E2F5: variants seen among roughly 807,000 people sequenced by gnomAD.
The protein encoded by E2F5 is E2F transcription factor 5.
In E2F5, 23 loss-of-function variants were observed where a neutral mutation model predicts 39.1. The observed-to-expected ratio is 0.59, with a 90% CI of 0.42 to 0.83. The LOEUF is 0.83. Ranked by LOEUF, E2F5 falls within the 40% of genes least tolerant of loss-of-function variation. The probability of loss-of-function intolerance (pLI) is 0.00; values close to 1 mark genes in which losing one functional copy is unlikely to be tolerated. For missense variants in E2F5, 365 were observed against 406.7 expected (o/e 0.90, Z 0.88); for synonymous variants, 145 against 157.8 (o/e 0.92, Z 0.61).
At chr8:85,180,858 C>T (rs1027269913) in intron 1 of E2F5, among the ~76,000 whole-genome samples, 1 of 151,414 alleles carries the variant, frequency 6.6e-6, no homozygotes, top group Non-Finnish European at 1.5e-5. Flanking sequence ...GGATTACAAG[C>T]GTGAGCCACC....
chr8:85,212,420 G>A, intron 7 of E2F5: 1 of 500,132 alleles, frequency 2.0e-6, no homozygotes, highest in Non-Finnish European at 3.6e-6. Flanking sequence ...TCCATATGGG[G>A]ATACTTCTCA....
intron 1 of E2F5, among the ~76,000 whole-genome samples, chr8:85,188,856 G>A (rs1287996793): frequency 6.6e-6 from 1 of 152,102 alleles, no homozygotes; most frequent in Non-Finnish European, 1.5e-5. Flanking sequence ...TAGGGTTGAG[G>A]GAAGGATGAC....
At chr8:85,200,690 T>G (rs1563981031) in intron 1 of E2F5, among the ~76,000 whole-genome samples, 1 of 152,202 alleles carries the variant, frequency 6.6e-6, no homozygotes, top group Admixed American at 6.5e-5. Flanking sequence ...AGCTTCAGAT[T>G]TGTACCGTTA....
At chr8:85,188,548 G>A (rs118081665) in intron 1 of E2F5, among the ~76,000 whole-genome samples, 1 of 152,306 alleles carries the variant, frequency 6.6e-6, no homozygotes, top group Non-Finnish European at 1.5e-5. Flanking sequence ...GCCAGCACAG[G>A]AGTGGTGCAA....
intron 6 of E2F5, among the ~76,000 whole-genome samples, chr8:85,211,640 GTTGTTTTTTTTT>G (rs1439509852): frequency 1.2e-5 from 1 of 81,058 alleles, no homozygotes; most frequent in African/African-American, 6.3e-5. Flanking sequence ...GAGGTTTGTT[GTTGTTTTTTTTT>G]TTTTTTTTTT....
intron 1 of E2F5, among the ~76,000 whole-genome samples, chr8:85,189,620 C>T (rs962633478): frequency 6.6e-6 from 1 of 152,142 alleles, no homozygotes; most frequent in Non-Finnish European, 1.5e-5. Context: ...CCACCCGCCT[C>T]AGTCTCTGAA....
chr8:85,198,251 C>T (rs961079534), intron 1 of E2F5, among the ~76,000 whole-genome samples: 2 of 151,938 alleles, frequency 1.3e-5, no homozygotes, highest in African/African-American at 4.8e-5. Context: ...GCAGTCATCC[C>T]TTCTCTCTTC....
In E2F5 at chr8:85,202,229, A is replaced by C; in HGVS notation, c.317A>C (p.Lys106Thr). 6.2e-7 allele frequency: 1 copy of C among 1,611,584 alleles called. No individual in the cohort carries two copies. Among genetic ancestry groups the C allele is most frequent in the East Asian group, 2.2e-5 (1 of 44,806 alleles). ...TTAGAGGGAATTGACTTGATTGAAA[A>C]AAAGTCAAAAAACAGTATCCAGTGG... ...NVLEGIDLIE[K>T]KSKNSIQWKG... Residue 106 changes from lysine to threonine, a missense_variant, in exon 2 of 8, where the codon AAA (lysine) becomes ACA (threonine). Transcript: ENST00000416274.
intron 6 of E2F5, among the ~76,000 whole-genome samples, chr8:85,210,392 T>C (rs1397648771): frequency 1.3e-5 from 2 of 152,086 alleles, no homozygotes; most frequent in African/African-American, 4.8e-5. Flanking sequence ...GAAAAGGTAG[T>C]GCTGGCTGGG....
At chr8:85,186,125 G>C (rs1010678697) in intron 1 of E2F5, among the ~76,000 whole-genome samples, 1 of 152,106 alleles carries the variant, frequency 6.6e-6, no homozygotes, top group Admixed American at 6.6e-5. Flanking sequence ...TCCATCAATG[G>C]TAGACTGGAT....
At chr8:85,198,819 C>T (rs1448871602) in intron 1 of E2F5, among the ~76,000 whole-genome samples, 1 of 152,126 alleles carries the variant, frequency 6.6e-6, no homozygotes. Flanking sequence ...GAATTTATAT[C>T]TCTAGCTTGG....
rs574493647 is a variant in E2F5, at chr8:85,212,297, T to C, written c.931+93T>C. The C allele has an allele frequency of 3.2e-6, 3 of 930,260 alleles. No individual in the cohort carries two copies. The East Asian group carries it at 7.6e-5, about 24-fold the overall frequency. The allele number at this position is 930,260 out of a possible 1,614,324, so 57.6% of individuals were successfully genotyped here. ...TGATTTAAAAGAAATGAACATATATTTGCTACCTGCTTTACTATGAAGATT... is the reference window on the plus strand; with the variant it reads ...TGATTTAAAAGAAATGAACATATATCTGCTACCTGCTTTACTATGAAGATT... On this transcript the variant is annotated intron_variant, in intron 7 of 7. Coordinates refer to ENST00000416274, the MANE Select transcript of E2F5 (RefSeq NM_001951.4).
chr8:85,198,011 C>A (rs548157004), intron 1 of E2F5, among the ~76,000 whole-genome samples: 2 of 152,288 alleles, frequency 1.3e-5, no homozygotes, highest in South Asian at 4.1e-4. Context: ...TCTCTCCTCT[C>A]AACCATTAAT....
chr8:85,184,125 A>C (rs886567424), intron 1 of E2F5, among the ~76,000 whole-genome samples: 2 of 152,218 alleles, frequency 1.3e-5, no homozygotes, highest in East Asian at 3.8e-4. Context: ...AAAATCCTCA[A>C]TAAAATACTG....
At chr8:85,188,058 T>C (rs1812379474) in intron 1 of E2F5, among the ~76,000 whole-genome samples, 1 of 152,198 alleles carries the variant, frequency 6.6e-6, no homozygotes, top group African/African-American at 2.4e-5. Context: ...CTAACAAGCC[T>C]CTATGCTTTT....
intron 1 of E2F5, among the ~76,000 whole-genome samples, chr8:85,181,447 C>T (rs1421821855): frequency 6.6e-6 from 1 of 151,068 alleles, no homozygotes; most frequent in Non-Finnish European, 1.5e-5. Flanking sequence ...TCTCCTGCCT[C>T]AGGCTCCTGA....
At chr8:85,187,483 C>T (rs1812368336) in intron 1 of E2F5, among the ~76,000 whole-genome samples, 2 of 152,088 alleles carry the variant, frequency 1.3e-5, no homozygotes, top group African/African-American at 4.8e-5. Context: ...ATTGGGTTCA[C>T]ACATATTTAC....
In E2F5 at chr8:85,202,139, C is replaced by A; in HGVS notation, c.235-8C>A. Reference sequence around the variant, plus strand: ...TATTTCACTGTTCTCGTTGTCTTTCCTGAACAGGCTGCTGATACTTTGGCT... The same window carrying A: ...TATTTCACTGTTCTCGTTGTCTTTCATGAACAGGCTGCTGATACTTTGGCT... On this transcript the variant is annotated splice_polypyrimidine_tract_variant and splice_region_variant and intron_variant, in intron 1 of 7. Transcript: ENST00000416274. The A allele has an allele frequency of 6.2e-7, 1 of 1,608,900 alleles. No individual in the cohort carries two copies. Among genetic ancestry groups the A allele is most frequent in the Non-Finnish European group, 8.5e-7 (1 of 1,176,876 alleles).
Position 85,214,265 on chromosome 8 carries a change from C to A in E2F5, c.*403C>A. ...CTAAACTGCCTGTATTTCTGTATGTCCTTCTATCCAAACAGACGTTCACTG... is the reference window on the plus strand; with the variant it reads ...CTAAACTGCCTGTATTTCTGTATGTACTTCTATCCAAACAGACGTTCACTG... On this transcript the variant is annotated 3_prime_UTR_variant, in exon 8 of 8. Coordinates refer to ENST00000416274, the MANE Select transcript of E2F5 (RefSeq NM_001951.4). 1 of 562,676 alleles carries A rather than the reference C, an allele frequency of 1.8e-6. No individual in the cohort carries two copies. The highest frequency in any genetic ancestry group is 3.3e-6 in the Non-Finnish European group (1 of 302,434). 34.9% of individuals were successfully genotyped at this position (562,676 alleles called of 1,614,324 possible).
Sources: allele counts gnomAD v4.1 joint callset (sites outside exome capture counted in the v4.1 genomes callset), GRCh38; gene constraint gnomAD v4.1.1; transcripts MANE v1.5; gene names NCBI Gene and HGNC (gene_info 2026-07-23, HGNC 2026-07-21).